Variants in ZNF438 observed in about 807,000 individuals in gnomAD.
ZNF438 encodes zinc finger protein 438.
Under a neutral mutation model 38.0 loss-of-function variants are expected in ZNF438, and 25 were observed. The ratio of observed to expected loss-of-function variants is 0.66; its 90% CI spans 0.48 to 0.92. The LOEUF is 0.92. Ranked by LOEUF, ZNF438 falls within the 40% of genes least tolerant of loss-of-function variation. The pLI is 0.00. For missense variants in ZNF438, 1,007 were observed against 999.6 expected (o/e 1.01, Z -0.10); for synonymous variants, 372 against 364.1 (o/e 1.02, Z -0.25).
At chr10:30,847,883 G>T (rs1164636629) in intron 5 of ZNF438, among the ~76,000 whole-genome samples, 1 of 152,178 alleles carries the variant, frequency 6.6e-6, no homozygotes, top group Non-Finnish European at 1.5e-5. Flanking sequence ...TGCCTGGCTC[G>T]CCCTTGGCAG....
At chr10:30,956,128 G>C (rs2048837225) in intron 1 of ZNF438, among the ~76,000 whole-genome samples, 1 of 152,148 alleles carries the variant, frequency 6.6e-6, no homozygotes, top group South Asian at 2.1e-4. Flanking sequence ...ATTTAACACA[G>C]TTATTCAGTC....
At chr10:30,923,357 A>G (rs2044540993) in intron 2 of ZNF438, 1 of 151,968 alleles carries the variant, frequency 6.6e-6, no homozygotes, top group South Asian at 2.1e-4. Context: ...ACTCCTTCCA[A>G]TGTTGTTTTC....
At chr10:30,989,433 G>T (rs2053224577) in intron 1 of ZNF438, among the ~76,000 whole-genome samples, 1 of 152,138 alleles carries the variant, frequency 6.6e-6, no homozygotes, top group African/African-American at 2.4e-5. Flanking sequence ...CAGAATCCCA[G>T]ATTCTATGGC....
At chr10:30,981,244 A>T (rs1457284501) in intron 1 of ZNF438, among the ~76,000 whole-genome samples, 1 of 151,918 alleles carries the variant, frequency 6.6e-6, no homozygotes, top group Admixed American at 6.5e-5. Context: ...GAGTAAAGCT[A>T]GACAAGAAAC....
chr10:30,978,962 G>C (rs1266331631), intron 1 of ZNF438, among the ~76,000 whole-genome samples: 1 of 152,100 alleles, frequency 6.6e-6, no homozygotes, highest in Admixed American at 6.5e-5. Flanking sequence ...ATATAAGGCT[G>C]TTTCATTTGC....
chr10:31,011,208 G>A (rs965353758), intron 1 of ZNF438, among the ~76,000 whole-genome samples: 1 of 152,190 alleles, frequency 6.6e-6, no homozygotes, highest in African/African-American at 2.4e-5. Context: ...TGCTGCAAAA[G>A]AGCAACAGTT....
intron 2 of ZNF438, among the ~76,000 whole-genome samples, chr10:30,929,219 G>T (rs1484970995): frequency 6.6e-6 from 1 of 152,204 alleles, no homozygotes; most frequent in Non-Finnish European, 1.5e-5. Flanking sequence ...TGGGTTCTTG[G>T]TCTCACTGAC....
At chr10:30,989,915 ATC>A (rs1192386871) in intron 1 of ZNF438, among the ~76,000 whole-genome samples, 1 of 152,310 alleles carries the variant, frequency 6.6e-6, no homozygotes, top group African/African-American at 2.4e-5. Context: ...CATACTTCTG[ATC>A]TCTGTCTACA....
At chr10:30,972,993 T>A (rs2136255476) in intron 1 of ZNF438, among the ~76,000 whole-genome samples, 1 of 152,314 alleles carries the variant, frequency 6.6e-6, no homozygotes, top group African/African-American at 2.4e-5. Context: ...ATCAGCTGAA[T>A]ACAGAAAGCA....
At chr10:30,879,395 A>G (rs2038909573) in intron 3 of ZNF438, among the ~76,000 whole-genome samples, 1 of 152,258 alleles carries the variant, frequency 6.6e-6, no homozygotes, top group African/African-American at 2.4e-5. Context: ...AAATCACAAA[A>G]TATTTATAGA....
At chr10:30,876,633 T>G (rs753548179) in intron 4 of ZNF438, among the ~76,000 whole-genome samples, 9 of 152,334 alleles carry the variant, frequency 5.9e-5, no homozygotes, top group Middle Eastern at 6.8e-3. Context: ...ATGCATATAT[T>G]CTTCTACTCA....
intron 1 of ZNF438, among the ~76,000 whole-genome samples, chr10:31,027,432 A>C (rs574362097): frequency 2.6e-5 from 4 of 151,972 alleles, no homozygotes; most frequent in Non-Finnish European, 5.9e-5. Flanking sequence ...CTAGGATGTT[A>C]TATTTCGCAT....
chr10:30,888,344 A>AACACACACACACACACTCACACAC (rs2040225744), intron 3 of ZNF438, among the ~76,000 whole-genome samples: 1 of 147,296 alleles, frequency 6.8e-6, no homozygotes, highest in Non-Finnish European at 1.5e-5. Flanking sequence ...TAATATTATA[A>AACACACACACACACACTCACACAC]ACACACACAC....
intron 1 of ZNF438, among the ~76,000 whole-genome samples, chr10:30,976,493 G>A (rs2051364533): frequency 6.6e-6 from 1 of 152,204 alleles, no homozygotes; most frequent in African/African-American, 2.4e-5. Flanking sequence ...TGTAATCCCA[G>A]CACTTTGGGA....
intron 2 of ZNF438, among the ~76,000 whole-genome samples, chr10:30,914,759 C>T (rs890945103): frequency 6.6e-6 from 1 of 151,644 alleles, no homozygotes; most frequent in Non-Finnish European, 1.5e-5. Flanking sequence ...TTGCTGTCAG[C>T]CCATGAAGAA....
intron 1 of ZNF438, among the ~76,000 whole-genome samples, chr10:30,974,976 C>T (rs576240646): frequency 3.1e-4 from 47 of 152,282 alleles, no homozygotes; most frequent in Non-Finnish European, 5.7e-4. Flanking sequence ...TTCACCCTAA[C>T]CTGATAATCC....
At chr10:31,017,534 G>A (rs936972724) in intron 1 of ZNF438, among the ~76,000 whole-genome samples, 2 of 152,226 alleles carry the variant, frequency 1.3e-5, no homozygotes, top group African/African-American at 4.8e-5. Flanking sequence ...GCCTCAGTCA[G>A]TTCCACAAGA....
intron 1 of ZNF438, among the ~76,000 whole-genome samples, chr10:31,020,932 T>C (rs1010080066): frequency 5.3e-5 from 8 of 152,024 alleles, no homozygotes; most frequent in East Asian, 1.9e-4. Context: ...TCCATAAAAA[T>C]ATCTAAATCA....
At chr10:30,932,458 GTTAAC>G (rs938937607) in intron 2 of ZNF438, among the ~76,000 whole-genome samples, 23 of 152,142 alleles carry the variant, frequency 1.5e-4, no homozygotes, top group Non-Finnish European at 2.6e-4. Context: ...CTTTATATAT[GTTAAC>G]TTATTTTGTC....
Sources: gnomAD v4.1 joint callset for allele counts (sites outside exome capture counted in the v4.1 genomes callset) on GRCh38, gnomAD v4.1.1 for gene constraint, MANE v1.5 for transcripts, NCBI Gene and HGNC (gene_info 2026-07-23, HGNC 2026-07-21) for gene names.